The following ZC3H12B variants were observed in gnomAD, a reference collection of about 807,000 sequenced individuals.
ZC3H12B encodes the protein probable ribonuclease ZC3H12B.
In ZC3H12B, 7 loss-of-function variants were observed where a neutral mutation model predicts 43.9. The ratio of observed to expected loss-of-function variants is 0.16; its 90% CI spans 0.09 to 0.30. The LOEUF (loss-of-function observed/expected upper bound fraction) is 0.30. Ranked by LOEUF, ZC3H12B falls within the 10% of genes least tolerant of loss-of-function variation. The pLI is 1.00. For missense variants in ZC3H12B, 475 were observed against 670.2 expected, an observed-to-expected ratio of 0.71 and a Z score of 3.22; for synonymous variants, 222 against 241.7, an observed-to-expected ratio of 0.92 and a Z score of 0.76.
intron 3 of ZC3H12B, among the ~76,000 whole-genome samples, chrX:65,402,474 G>T (rs919247733): frequency 9.0e-6 from 1 of 111,460 alleles, no homozygotes; most frequent in Non-Finnish European, 1.9e-5. Flanking sequence ...GTGAATATAA[G>T]CAGTAGCCAG....
chrX:65,494,032 A>G (rs1023910587), intron 1 of ZC3H12B, among the ~76,000 whole-genome samples: 4 of 110,949 alleles, frequency 3.6e-5, no homozygotes, highest in Non-Finnish European at 7.5e-5. Context: ...GCATACTTTT[A>G]ATATATTTTA....
chrX:65,257,346 C>T, the ZC3H12B span, among the ~76,000 whole-genome samples: 3 of 111,231 alleles, frequency 2.7e-5, no homozygotes, highest in African/African-American at 6.6e-5. Flanking sequence ...AGCATACTAT[C>T]GCAAGGACAG....
the ZC3H12B span, among the ~76,000 whole-genome samples, chrX:65,103,172 G>T: frequency 1.3e-3 from 144 of 111,353 alleles, no homozygotes; most frequent in African/African-American, 4.6e-3. Context: ...TCCCTTATCT[G>T]CAACTGTATA....
chrX:65,226,396 G>A, the ZC3H12B span, among the ~76,000 whole-genome samples: 13,630 of 110,817 alleles, frequency 0.12, 2,013 homozygotes, highest in African/African-American at 0.42. Flanking sequence ...AGGAACAACC[G>A]GTACCAGCCA....
chrX:65,179,516 GACACAAAAA>G, the ZC3H12B span, among the ~76,000 whole-genome samples: 1 of 110,285 alleles, frequency 9.1e-6, no homozygotes. Flanking sequence ...AGGAGATAGA[GACACAAAAA>G]ACCCTTCAAA....
At chrX:65,196,590 C>T in the ZC3H12B span, among the ~76,000 whole-genome samples, 6 of 111,777 alleles carry the variant, frequency 5.4e-5, no homozygotes, top group South Asian at 3.7e-4. Flanking sequence ...GACCACCAGA[C>T]GTAGAACTCT....
intron 2 of ZC3H12B, among the ~76,000 whole-genome samples, chrX:65,383,140 T>G (rs1364307445): frequency 8.9e-6 from 1 of 111,748 alleles, no homozygotes; most frequent in Non-Finnish European, 1.9e-5. Flanking sequence ...GAGCCTGCAT[T>G]GCCAAGTCAT....
chrX:65,328,542 C>T, the ZC3H12B span: 1 of 199,940 alleles, frequency 5.0e-6, no homozygotes, highest in South Asian at 7.8e-5. Flanking sequence ...ATATGTATCA[C>T]ATTGTCTTTA....
chrX:65,414,945 CTG>C lies in ZC3H12B; in HGVS notation n.407+16244_407+16245del, dbSNP rs1274175137. On this transcript the variant is annotated intron_variant and non_coding_transcript_variant, in intron 3 of 5. Transcript: ENST00000617377. ...GAGCCAAATATGAGTGAACAATGGA[CTG>C]TGACACAGCCTCAGGAAAACCTAAG... Among the ~76,000 whole-genome samples the C allele has an allele frequency of 4.5e-5, 5 of 112,245 alleles. No homozygotes were observed. The East Asian group carries it at 1.4e-3, about 31-fold the overall frequency.
the ZC3H12B span, among the ~76,000 whole-genome samples, chrX:65,266,854 G>T: frequency 9.9e-5 from 11 of 110,933 alleles, no homozygotes; most frequent in Non-Finnish European, 1.7e-4. Flanking sequence ...AGATTTAAAG[G>T]TACAAATATT....
At chrX:65,268,588 G>T in the ZC3H12B span, among the ~76,000 whole-genome samples, 15 of 112,521 alleles carry the variant, frequency 1.3e-4, no homozygotes, top group Non-Finnish European at 2.6e-4. Flanking sequence ...TGTCTAGCAT[G>T]CAAGGCTGCA....
the ZC3H12B span, among the ~76,000 whole-genome samples, chrX:65,195,561 G>T: frequency 7.1e-5 from 8 of 112,060 alleles, no homozygotes; most frequent in South Asian, 1.1e-3. Flanking sequence ...GTCTTGAAAA[G>T]ATATTGTATT....
chrX:65,495,871 A>AT (rs1190035703), intron 1 of ZC3H12B, among the ~76,000 whole-genome samples: 10 of 110,534 alleles, frequency 9.0e-5, no homozygotes, highest in African/African-American at 1.6e-4. Flanking sequence ...GAATACTTGA[A>AT]TTTTTTTTTC....
At chrX:65,436,113 G>A (rs2067218884) in intron 3 of ZC3H12B, among the ~76,000 whole-genome samples, 1 of 112,480 alleles carries the variant, frequency 8.9e-6, no homozygotes, top group African/African-American at 3.2e-5. Context: ...GGGGAAGCTA[G>A]CACGTCTTAC....
At chrX:65,400,298 A>G (rs892963594) in intron 3 of ZC3H12B, among the ~76,000 whole-genome samples, 4 of 111,604 alleles carry the variant, frequency 3.6e-5, no homozygotes, top group African/African-American at 1.3e-4. Context: ...TGGCTTATGC[A>G]TAGACAACTC....
chrX:65,451,708 T>G (rs1484309080), intron 3 of ZC3H12B, among the ~76,000 whole-genome samples: 1 of 111,966 alleles, frequency 8.9e-6, no homozygotes, highest in African/African-American at 3.2e-5. Context: ...TCTTTGTAAA[T>G]GGGAAGATCT....
At chrX:65,342,063 G>T in the ZC3H12B span, among the ~76,000 whole-genome samples, 1 of 110,912 alleles carries the variant, frequency 9.0e-6, no homozygotes, top group Non-Finnish European at 1.9e-5. Context: ...TAAAGGTATA[G>T]AGAAAGATCT....
chrX:65,235,493 G>T, the ZC3H12B span, among the ~76,000 whole-genome samples: 1 of 111,225 alleles, frequency 9.0e-6, no homozygotes, highest in Non-Finnish European at 1.9e-5. Context: ...AATCTCTCCA[G>T]CCACTGCCAT....
the ZC3H12B span, among the ~76,000 whole-genome samples, chrX:65,216,255 A>G: frequency 1.8e-5 from 2 of 111,916 alleles, no homozygotes; most frequent in Admixed American, 9.5e-5. Context: ...TACATTGACT[A>G]TACCACCTTT....
Sources: gnomAD v4.1 joint callset for allele counts (sites outside exome capture counted in the v4.1 genomes callset) on GRCh38, gnomAD v4.1.1 for gene constraint, MANE v1.5 for transcripts, NCBI Gene and HGNC (gene_info 2026-07-23, HGNC 2026-07-21) for gene names.